The following L1CAM variants were observed in gnomAD, a reference collection of about 807,000 sequenced individuals.
The protein encoded by L1CAM is L1 cell adhesion molecule.
L1CAM carries 8 observed loss-of-function variants against 93.0 expected under a neutral mutation model. The observed-to-expected ratio is 0.09, with a 90% CI of 0.05 to 0.16. L1CAM has a LOEUF of 0.16. Ranked by LOEUF, L1CAM falls within the 10% of genes least tolerant of loss-of-function variation. The probability of loss-of-function intolerance (pLI) is 1.00; values close to 1 mark genes in which losing one functional copy is unlikely to be tolerated. For synonymous variants in L1CAM, 453 were observed against 453.0 expected (o/e 1.00, Z 0.00); for missense variants, 777 against 1,073.4 (o/e 0.72, Z 3.86).
At chrX:153,876,931 G>A (rs899070435) in intron 1 of L1CAM, among the ~76,000 whole-genome samples, 3 of 110,652 alleles carry the variant, frequency 2.7e-5, no homozygotes, top group East Asian at 2.8e-4. Flanking sequence ...CCTGAGAGGC[G>A]GAGGTTGCAG....
At chrX:153,870,669 A>C in intron 7 of L1CAM, 121 bp downstream of exon 7, 1 of 831,736 alleles carries the variant, frequency 1.2e-6, no homozygotes, top group Non-Finnish European at 1.8e-6. Context: ...TGGGCAGGGT[A>C]GAGGTGGGAG....
In L1CAM at chrX:153,874,333, A is replaced by C. The variant is rs782358033; in HGVS notation, c.77-1091T>G. 1.2e-4 allele frequency among the ~76,000 whole-genome samples: 14 copies of C among 113,189 alleles called. No individual in the cohort carries two copies. In the South Asian group the frequency reaches 4.6e-3, roughly 38 times the overall value. ...TTTCTGTAGAGAATGCACGGCTTGC[A>C]TTCCACTGTACAGTGTTATATTGTG... On this transcript the variant is annotated intron_variant, in intron 2 of 28. Coordinates refer to ENST00000370060, the MANE Select transcript of L1CAM (RefSeq NM_001278116.2).
chrX:153,876,261 C>T (rs1557094567), intron 1 of L1CAM: 2 of 353,814 alleles, frequency 5.7e-6, no homozygotes, highest in Admixed American at 4.8e-5. Context: ...GCATGGCATG[C>T]ACATCCCCGT....
At position 153,864,306 on chromosome X, in the gene L1CAM, G is replaced by A; in HGVS notation, c.3322+16C>T. The A allele has an allele frequency of 8.3e-7, 1 of 1,208,585 alleles. No homozygotes were observed. Among genetic ancestry groups the A allele is most frequent in the Non-Finnish European group, 1.1e-6 (1 of 893,754 alleles). On this transcript the variant is annotated intron_variant, in intron 25 of 28. Transcript: ENST00000370060. ...ATGCTTCCCTGGCAGGTGATGGCGG[G>A]CCCCCGGCGCCTCACCTGTGCCATT... is the stretch of plus-strand genomic sequence containing the variant.
intron 17 of L1CAM, 54 bp from the exon 18 acceptor site, chrX:153,867,178 G>A (rs782002565): frequency 1.2e-4 from 132 of 1,084,539 alleles, no homozygotes; most frequent in South Asian, 4.6e-4. Flanking sequence ...GGAGAGCCAC[G>A]AGGACCGAGG....
Position 153,869,874 on chromosome X carries a change from C to T in L1CAM, c.1052G>A (p.Arg351His), listed in dbSNP as rs147234859. ...SHLYGPGETA[R>H]LDCQVQGRPQ... ...CCTGCCCTGGACTTGGCAGTCCAGG[C>T]GGGCAGTCTCTCCTGGCCCATATAG... Residue 351 changes from arginine to histidine, a missense_variant, in exon 10 of 29, where the codon CGC becomes CAC. Physicochemically the swap from Arg to His is conservative, Grantham distance 29. Around this residue, in one of 5 missense-constraint regions of L1CAM, gnomAD observed 574 missense variants for 781.0 expected, o/e 0.73. Coordinates refer to ENST00000370060, the MANE Select transcript of L1CAM (RefSeq NM_001278116.2). The T allele has an allele frequency of 3.7e-5, 45 of 1,207,857 alleles. No homozygotes were observed. In the African/African-American group the frequency reaches 3.8e-4, roughly 10 times the overall value.
At chrX:153,879,681 G>A (rs73627233) in intron 1 of L1CAM, among the ~76,000 whole-genome samples, 11,202 of 110,855 alleles carry the variant, frequency 0.1, 1,469 homozygotes, top group African/African-American at 0.35. Context: ...TGTGGCACTG[G>A]GCAAGGGACG....
intron 19 of L1CAM, 78 bp downstream of exon 19, chrX:153,866,571 T>C (rs2064715209): frequency 1.4e-6 from 1 of 714,158 alleles, no homozygotes; most frequent in South Asian, 2.4e-5. Flanking sequence ...CGCACACCAA[T>C]GCTGAGAGGT....
intron 1 of L1CAM, among the ~76,000 whole-genome samples, chrX:153,879,198 TGACA>T (rs1184039573): frequency 3.8e-5 from 4 of 105,282 alleles, no homozygotes; most frequent in Admixed American, 1.0e-4. Flanking sequence ...CTGCCAAGGG[TGACA>T]GACAGAGTGA....
chrX:153,885,134 C>T (rs1557096637), intron 1 of L1CAM, among the ~76,000 whole-genome samples: 1 of 112,974 alleles, frequency 8.9e-6, no homozygotes, highest in Non-Finnish European at 1.9e-5. Flanking sequence ...AAAAGTCTGA[C>T]CTGGAATGGA....
chrX:153,872,772 G>C (rs782075781), intron 3 of L1CAM, 75 bp from the exon 4 acceptor site: 3 of 872,930 alleles, frequency 3.4e-6, no homozygotes, highest in African/African-American at 4.0e-5. Context: ...CTGTCCCATC[G>C]TGAGGGAAGC....
Position 153,875,855 on chromosome X carries a change from G to T in L1CAM, c.-19C>A. The T allele has an allele frequency of 8.3e-7, 1 of 1,201,908 alleles. No individual in the cohort carries two copies. The highest frequency in any genetic ancestry group is 1.8e-5 in the South Asian group (1 of 56,673). On this transcript the variant is annotated 5_prime_UTR_variant, in exon 2 of 29. Coordinates refer to ENST00000370060, the MANE Select transcript of L1CAM (RefSeq NM_001278116.2). ...CGACCATCTTTCCCGGCGGCACCGC[G>T]CAGCACAGCCAGCCGGGCTCGGTTC...
chrX:153,868,372 G>T lies in L1CAM; in HGVS notation c.1633C>A (p.Pro545Thr), dbSNP rs782513182. The T allele has an allele frequency of 2.5e-6, 3 of 1,209,966 alleles. No homozygotes were observed. The highest frequency in any genetic ancestry group is 3.0e-5 in the East Asian group (1 of 33,748). Residue 545 changes from proline (P) to threonine (T), a missense_variant, in exon 14 of 29, where the codon CCC becomes ACC. By Grantham distance (38) the Pro-to-Thr change is conservative. Coordinates refer to ENST00000370060, the MANE Select transcript of L1CAM (RefSeq NM_001278116.2). ...CAGGTGATGCTGGGCTGCAAGGAGG[G>T]GTCAAAGGAGGCCTGGCACGTGAAG... ...VTFTCQASFD[P>T]SLQPSITWRG... is the part of the protein sequence containing the mutation.
intron 1 of L1CAM, among the ~76,000 whole-genome samples, chrX:153,877,295 A>T: frequency 1.1e-5 from 1 of 90,629 alleles, no homozygotes; most frequent in South Asian, 5.1e-4. Flanking sequence ...TACAAAAAAA[A>T]AAAAAAAAAA....
chrX:153,880,324 GCA>G (rs2064837781), intron 1 of L1CAM: 1 of 185,146 alleles, frequency 5.4e-6, no homozygotes, highest in African/African-American at 3.1e-5. Context: ...CATGTGCCCT[GCA>G]CACCTGCCTG....
chrX:153,883,825 G>A (rs953630736), intron 1 of L1CAM: 29 of 341,932 alleles, frequency 8.5e-5, no homozygotes, highest in African/African-American at 2.4e-4. Context: ...CTGCGAGGCC[G>A]CATCACCCTC....
chrX:153,870,513 G>T lies in L1CAM; in HGVS notation c.695-14C>A, dbSNP rs201500606. ...TCATGCTGTTGGCTGCCAGGAGAAA[G>T]TGGGTGGGTGGGCTGCCCACTCTTC... On this transcript the variant is annotated splice_polypyrimidine_tract_variant and intron_variant, in intron 7 of 28. Transcript: ENST00000370060. 54 of 1,168,076 alleles carry T rather than the reference G, an allele frequency of 4.6e-5. No individual in the cohort carries two copies. The African/African-American group carries it at 8.3e-4, about 18-fold the overall frequency.
At chrX:153,883,838 A>T (rs2148506805) in intron 1 of L1CAM, 1 of 341,733 alleles carries the variant, frequency 2.9e-6, no homozygotes, top group Admixed American at 3.1e-5. Flanking sequence ...TCACCCTCAC[A>T]CCCAGAAAAG....
chrX:153,872,963 A>G, intron 3 of L1CAM: 1 of 451,113 alleles, frequency 2.2e-6, no homozygotes, highest in Non-Finnish European at 3.9e-6. Flanking sequence ...AAGCCAAGAC[A>G]CAGAAACCAA....
Sources: gnomAD v4.1 joint callset for allele counts (sites outside exome capture counted in the v4.1 genomes callset) on GRCh38, gnomAD v4.1.1 for gene constraint, gnomAD v4.1.1 regional missense constraint, MANE v1.5 for transcripts, NCBI Gene and HGNC (gene_info 2026-07-23, HGNC 2026-07-21) for gene names.